CNTLN: variants seen among roughly 807,000 people sequenced by gnomAD.
The protein encoded by CNTLN is centlein, centrosomal protein.
Under a neutral mutation model 180.0 loss-of-function variants are expected in CNTLN, and 212 were observed. The ratio of observed to expected loss-of-function variants is 1.18; its 90% CI spans 1.05 to 1.32. The LOEUF is 1.32. Among genes scored for constraint, CNTLN ranks in the 40% most tolerant of loss-of-function variants. The probability of loss-of-function intolerance (pLI) is 0.00; values close to 1 mark genes in which losing one functional copy is unlikely to be tolerated. For missense variants in CNTLN, 2,095 were observed against 1,610.9 expected, an observed-to-expected ratio of 1.30 and a Z score of -5.14; for synonymous variants, 722 against 563.1, an observed-to-expected ratio of 1.28 and a Z score of -3.99.
intron 2 of CNTLN, among the ~76,000 whole-genome samples, chr9:17,193,284 G>T (rs1961695746): frequency 6.6e-6 from 1 of 152,080 alleles, no homozygotes; most frequent in East Asian, 1.9e-4. Context: ...ATCCATTTCA[G>T]CATTAACCCA....
chr9:17,416,275 T>A, intron 18 of CNTLN, 86 bp downstream of exon 18: 1 of 1,155,056 alleles, frequency 8.7e-7, no homozygotes, highest in Non-Finnish European at 1.2e-6. Flanking sequence ...AGTTTATATT[T>A]GTGTTAGGCA....
At chr9:17,259,116 T>C (rs1401392063) in intron 5 of CNTLN, among the ~76,000 whole-genome samples, 6 of 144,068 alleles carry the variant, frequency 4.2e-5, no homozygotes, top group Non-Finnish European at 9.0e-5. Flanking sequence ...GGGTTTGTCA[T>C]AGATAGCTCT....
intron 25 of CNTLN, among the ~76,000 whole-genome samples, chr9:17,494,152 T>A (rs1481356242): frequency 2.0e-5 from 3 of 152,238 alleles, no homozygotes; most frequent in Non-Finnish European, 4.4e-5. Flanking sequence ...AACTCAAACT[T>A]AGTATGCTAG....
intron 2 of CNTLN, among the ~76,000 whole-genome samples, chr9:17,162,999 T>C (rs1819786964): frequency 6.6e-6 from 1 of 151,838 alleles, no homozygotes; most frequent in Admixed American, 6.6e-5. Context: ...GGAAAAGAGG[T>C]GTAATTGATT....
intron 2 of CNTLN, among the ~76,000 whole-genome samples, chr9:17,214,577 A>G (rs576205580): frequency 1.5e-4 from 23 of 152,214 alleles, no homozygotes; most frequent in African/African-American, 4.8e-4. Flanking sequence ...CGTTCTCTGT[A>G]TTTCCTGAAT....
At chr9:17,176,962 T>C (rs889898395) in intron 2 of CNTLN, among the ~76,000 whole-genome samples, 6 of 152,222 alleles carry the variant, frequency 3.9e-5, no homozygotes, top group South Asian at 2.1e-4. Flanking sequence ...TTTCCCTATT[T>C]TTTTCCCTTG....
At chr9:17,229,223 TGTC>T (rs2132106314) in intron 3 of CNTLN, among the ~76,000 whole-genome samples, 1 of 152,204 alleles carries the variant, frequency 6.6e-6, no homozygotes, top group East Asian at 1.9e-4. Flanking sequence ...ATGTTGTCAT[TGTC>T]GTAAAATGCT....
rs1021210853 is a variant in CNTLN, at chr9:17,367,504, C to T, written c.1987+787C>T. On this transcript the variant is annotated intron_variant, in intron 13 of 25. Coordinates refer to ENST00000380647, the MANE Select transcript of CNTLN (RefSeq NM_017738.4). ...GGGTGGCATGTGACCTACTGAGACA[C>T]CAGCCAGGGCAGCTCATGGGGTATT... 2.0e-5 allele frequency among the ~76,000 whole-genome samples: 3 copies of T among 152,124 alleles called. No individual in the cohort carries two copies. The East Asian group carries it at 5.8e-4, about 29-fold the overall frequency.
At chr9:17,145,136 C>T (rs1407528350) in intron 2 of CNTLN, among the ~76,000 whole-genome samples, 4 of 150,092 alleles carry the variant, frequency 2.7e-5, no homozygotes, top group East Asian at 1.9e-4. Flanking sequence ...CCACCGCACC[C>T]GGCCTGGAGA....
chr9:17,519,156 G>C, the CNTLN span, among the ~76,000 whole-genome samples: 4 of 150,454 alleles, frequency 2.7e-5, no homozygotes. Context: ...TCAAACTCTT[G>C]GGCTGAGGCA....
intron 12 of CNTLN, among the ~76,000 whole-genome samples, chr9:17,350,239 T>C (rs1822248850): frequency 6.6e-6 from 1 of 152,198 alleles, no homozygotes; most frequent in South Asian, 2.1e-4. Flanking sequence ...TCAACCACAA[T>C]TGCATGTTTT....
Position 17,352,419 on chromosome 9 carries a change from T to A in CNTLN, c.1886+9975T>A, listed in dbSNP as rs867763194. Among the ~76,000 whole-genome samples the A allele has an allele frequency of 0.015, 372 of 24,110 alleles. 5 individuals carry two copies. The East Asian group carries it at 0.16, about 10-fold the overall frequency. 15.8% of individuals were successfully genotyped at this position (24,110 alleles called of 152,430 possible). On this transcript the variant is annotated intron_variant, in intron 12 of 25. Transcript: ENST00000380647. ...ATATATATATATATATATATATATT[T>A]TTTTTTTTTTTGGTATGTAGAAATG...
intron 6 of CNTLN, among the ~76,000 whole-genome samples, chr9:17,279,847 A>AGGCTC (rs1828555841): frequency 2.0e-5 from 1 of 50,692 alleles, no homozygotes; most frequent in South Asian, 1.5e-3. Flanking sequence ...GCCTTCATGA[A>AGGCTC]TGAATTAATC....
intron 1 of CNTLN, 25 bp downstream of exon 1, chr9:17,135,450 C>A: frequency 6.3e-7 from 1 of 1,575,144 alleles, no homozygotes; most frequent in Non-Finnish European, 8.6e-7. Context: ...CGCAGTCCCC[C>A]TTTCCCCACC....
chr9:17,378,873 G>A (rs534503764), intron 13 of CNTLN, among the ~76,000 whole-genome samples: 1 of 152,082 alleles, frequency 6.6e-6, no homozygotes, highest in East Asian at 1.9e-4. Flanking sequence ...ATTCCTTTCT[G>A]TAGATCCATA....
intron 18 of CNTLN, among the ~76,000 whole-genome samples, chr9:17,429,333 A>G (rs912586009): frequency 4.6e-5 from 7 of 152,050 alleles, no homozygotes; most frequent in Non-Finnish European, 1.0e-4. Flanking sequence ...AGAATTGTTA[A>G]TGGAAGCTAT....
chr9:17,159,083 T>C (rs182872231), intron 2 of CNTLN, among the ~76,000 whole-genome samples: 12 of 152,274 alleles, frequency 7.9e-5, no homozygotes, highest in African/African-American at 2.6e-4. Context: ...ACCTGTTGCT[T>C]ATTTAGAAGT....
chr9:17,285,017 A>G lies in CNTLN; in HGVS notation c.983+11151A>G, dbSNP rs190341512. ...TCTGCCTTAATTTTTTTTTTTTTTA[A>G]TTATACTTTAAGTTTTAGGGTACAT... On this transcript the variant is annotated intron_variant, in intron 6 of 25. Transcript: ENST00000380647. Among the ~76,000 whole-genome samples, 95 of 146,280 alleles carry G rather than the reference A, an allele frequency of 6.5e-4. 1 individual carries two copies. The highest frequency in any genetic ancestry group is 2.3e-3 in the African/African-American group (87 of 38,530).
chr9:17,411,807 A>G (rs1330185722), intron 16 of CNTLN, among the ~76,000 whole-genome samples: 2 of 151,932 alleles, frequency 1.3e-5, no homozygotes, highest in African/African-American at 4.8e-5. Flanking sequence ...CCCCCTATCC[A>G]TGCAAAAATT....
Sources: allele counts gnomAD v4.1 joint callset (sites outside exome capture counted in the v4.1 genomes callset), GRCh38; gene constraint gnomAD v4.1.1; transcripts MANE v1.5; gene names NCBI Gene and HGNC (gene_info 2026-07-23, HGNC 2026-07-21).